The following SPTLC3 variants were observed in gnomAD, a reference collection of about 807,000 sequenced individuals.
The protein encoded by SPTLC3 is serine palmitoyltransferase 3.
Under a neutral mutation model 59.3 loss-of-function variants are expected in SPTLC3, and 36 were observed. That is an observed-to-expected ratio of 0.61 (90% CI 0.47 to 0.80). The LOEUF (loss-of-function observed/expected upper bound fraction) is 0.80. Among genes scored for constraint, SPTLC3 ranks in the 30% least tolerant of loss-of-function variants. The pLI is 0.00. For synonymous variants in SPTLC3, 257 were observed against 240.8 expected (o/e 1.07, Z -0.62); for missense variants, 625 against 685.1 (o/e 0.91, Z 0.98).
intron 1 of SPTLC3, among the ~76,000 whole-genome samples, chr20:13,040,178 T>C (rs1465549961): frequency 2.0e-5 from 3 of 152,122 alleles, no homozygotes; most frequent in Non-Finnish European, 4.4e-5. Flanking sequence ...CTGTGGACTC[T>C]AATTGCCATG....
At chr20:13,107,929 A>AT (rs1438643601) in intron 6 of SPTLC3, among the ~76,000 whole-genome samples, 2 of 152,024 alleles carry the variant, frequency 1.3e-5, no homozygotes, top group African/African-American at 2.4e-5. Flanking sequence ...TATTTCCTTT[A>AT]TTTTTTCATT....
intron 9 of SPTLC3, among the ~76,000 whole-genome samples, chr20:13,127,698 G>A (rs906607353): frequency 6.6e-6 from 1 of 152,156 alleles, no homozygotes; most frequent in South Asian, 2.1e-4. Flanking sequence ...CTTCTACTGA[G>A]CCCTAGTGCT....
intron 1 of SPTLC3, among the ~76,000 whole-genome samples, chr20:13,017,282 C>G (rs1421437743): frequency 1.3e-5 from 2 of 152,170 alleles, no homozygotes; most frequent in Non-Finnish European, 2.9e-5. Flanking sequence ...CAGAGACATA[C>G]CACATTAGTG....
chr20:13,070,106 CA>C (rs33925685), intron 2 of SPTLC3, among the ~76,000 whole-genome samples: 37,718 of 151,762 alleles, frequency 0.25, 5,368 homozygotes, highest in African/African-American at 0.4. Context: ...CTTGTAGCCT[CA>C]AAAAATATGT....
chr20:13,159,939 C>G, intron 10 of SPTLC3, 64 bp from the exon 11 acceptor site: 1 of 1,432,864 alleles, frequency 7.0e-7, no homozygotes, highest in Non-Finnish European at 9.2e-7. Context: ...CCTTTTTTGT[C>G]AGGATAATTT....
chr20:13,097,162 T>C (rs753922207), intron 6 of SPTLC3, among the ~76,000 whole-genome samples: 1 of 152,058 alleles, frequency 6.6e-6, no homozygotes, highest in African/African-American at 2.4e-5. Context: ...TCCTTGGGAA[T>C]TGCATAAAAT....
At chr20:13,075,847 GAC>G (rs1424396480) in intron 4 of SPTLC3, among the ~76,000 whole-genome samples, 1 of 152,204 alleles carries the variant, frequency 6.6e-6, no homozygotes, top group East Asian at 1.9e-4. Flanking sequence ...AACTCAGTGA[GAC>G]AGAATGCTGC....
intron 8 of SPTLC3, among the ~76,000 whole-genome samples, chr20:13,122,175 C>G (rs1383650652): frequency 6.6e-6 from 1 of 152,220 alleles, no homozygotes; most frequent in African/African-American, 2.4e-5. Context: ...AGCAGGCCAC[C>G]ACTAGGTATC....
chr20:13,030,409 G>A (rs1488425521), intron 1 of SPTLC3, among the ~76,000 whole-genome samples: 1 of 152,102 alleles, frequency 6.6e-6, no homozygotes, highest in African/African-American at 2.4e-5. Flanking sequence ...CTGAATACGG[G>A]GGCTCCCTGG....
intron 1 of SPTLC3, among the ~76,000 whole-genome samples, chr20:13,023,027 A>C (rs1417346998): frequency 6.6e-6 from 1 of 151,898 alleles, no homozygotes; most frequent in Admixed American, 6.6e-5. Context: ...CCAGCCACCC[A>C]TGGCGTCCTC....
chr20:13,023,386 C>G lies in SPTLC3; in HGVS notation c.117+14002C>G, dbSNP rs554528179. Among the ~76,000 whole-genome samples the G allele has an allele frequency of 7.2e-5, 11 of 152,218 alleles. No individual in the cohort carries two copies. The South Asian group carries it at 2.3e-3, about 32-fold the overall frequency. ...CTCCACATTTAGACTGTGAGGTCCACCTGGGCAGGAATTTCTATCTTTTTC... is the reference window on the plus strand; with the variant it reads ...CTCCACATTTAGACTGTGAGGTCCAGCTGGGCAGGAATTTCTATCTTTTTC... On this transcript the variant is annotated intron_variant, in intron 1 of 11. Transcript: ENST00000399002.
chr20:13,032,680 A>C (rs6033579), intron 1 of SPTLC3, among the ~76,000 whole-genome samples: 145,501 of 152,144 alleles, frequency 0.96, 69,916 homozygotes, highest in Non-Finnish European at 1. Flanking sequence ...GATATTCACT[A>C]AACACTCTGC....
At chr20:13,040,171 T>C (rs1986916348) in intron 1 of SPTLC3, among the ~76,000 whole-genome samples, 1 of 152,052 alleles carries the variant, frequency 6.6e-6, no homozygotes, top group Non-Finnish European at 1.5e-5. Context: ...TTAGTTGCTG[T>C]GGACTCTAAT....
At chr20:13,123,045 A>T (rs1252002605) in intron 8 of SPTLC3, among the ~76,000 whole-genome samples, 2 of 152,116 alleles carry the variant, frequency 1.3e-5, no homozygotes, top group Non-Finnish European at 2.9e-5. Context: ...GATTAACAAT[A>T]CTCGGCCAGG....
chr20:13,143,187 C>T (rs1033349731), intron 9 of SPTLC3, among the ~76,000 whole-genome samples: 14 of 152,024 alleles, frequency 9.2e-5, no homozygotes, highest in African/African-American at 3.4e-4. Flanking sequence ...AGAAGGAGAC[C>T]GGGATGGCCA....
chr20:13,036,186 A>G (rs945299800), intron 1 of SPTLC3, among the ~76,000 whole-genome samples: 1 of 152,216 alleles, frequency 6.6e-6, no homozygotes, highest in Admixed American at 6.5e-5. Flanking sequence ...TGCATAATCT[A>G]TACAGTTGAC....
chr20:13,053,223 A>G (rs145286200), intron 2 of SPTLC3, among the ~76,000 whole-genome samples: 2 of 152,318 alleles, frequency 1.3e-5, no homozygotes, highest in African/African-American at 4.8e-5. Flanking sequence ...CCTGTTCTGC[A>G]GCCTCCGCTG....
chr20:13,108,658 T>G, intron 6 of SPTLC3, among the ~76,000 whole-genome samples: 1 of 151,900 alleles, frequency 6.6e-6, no homozygotes, highest in East Asian at 1.9e-4. Flanking sequence ...CACTGCAACA[T>G]CCGTCTCCTG....
Position 13,154,089 on chromosome 20 carries a change from G to A in SPTLC3, c.1366G>A (p.Glu456Lys), listed in dbSNP as rs1186054802. Residue 456 changes from glutamate to lysine, a missense_variant, in exon 10 of 12, where the codon GAG (glutamate) becomes AAG (lysine). Coordinates refer to ENST00000399002, the MANE Select transcript of SPTLC3 (RefSeq NM_018327.4). ...AATGGGATTCATTATCTATGGCAATGAGAATGCTTCTGTTGTTCCTCTGCT... is the reference window on the plus strand; with the variant it reads ...AATGGGATTCATTATCTATGGCAATAAGAATGCTTCTGTTGTTCCTCTGCT... The part of the protein sequence containing the change: ...QEMGFIIYGN[E>K]NASVVPLLLY... 1.2e-6 allele frequency: 2 copies of A among 1,614,144 alleles called. No homozygotes were observed. Among genetic ancestry groups the A allele is most frequent in the East Asian group, 2.2e-5 (1 of 44,872 alleles).
Sources: allele counts gnomAD v4.1 joint callset (sites outside exome capture counted in the v4.1 genomes callset), GRCh38; gene constraint gnomAD v4.1.1; transcripts MANE v1.5; gene names NCBI Gene and HGNC (gene_info 2026-07-23, HGNC 2026-07-21).